EIF4EBP1: variants seen among roughly 807,000 people sequenced by gnomAD.
EIF4EBP1 encodes eukaryotic translation initiation factor 4E binding protein 1.
In EIF4EBP1, 5 loss-of-function variants were observed where a neutral mutation model predicts 9.2. The observed-to-expected ratio is 0.54, with a 90% CI of 0.28 to 1.14. The LOEUF is 1.14. EIF4EBP1 is among the 50% of genes most tolerant of loss of function. The probability of loss-of-function intolerance (pLI) is 0.09; values close to 1 mark genes in which losing one functional copy is unlikely to be tolerated. For synonymous variants in EIF4EBP1, 62 were observed against 67.0 expected (o/e 0.93, Z 0.36); for missense variants, 139 against 169.6 (o/e 0.82, Z 1.00).
intron 1 of EIF4EBP1, among the ~76,000 whole-genome samples, chr8:38,055,045 C>T (rs1809578132): frequency 6.6e-6 from 1 of 152,202 alleles, no homozygotes. Flanking sequence ...TTCAGTATCA[C>T]TGCCTCTCCT....
intron 1 of EIF4EBP1, among the ~76,000 whole-genome samples, chr8:38,044,451 T>C (rs759050254): frequency 6.6e-6 from 1 of 152,172 alleles, no homozygotes; most frequent in Non-Finnish European, 1.5e-5. Context: ...TTTATTTTAT[T>C]TTGTAGAGAC....
intron 1 of EIF4EBP1, among the ~76,000 whole-genome samples, chr8:38,050,207 C>A (rs111596164): frequency 3.7e-4 from 57 of 152,184 alleles, no homozygotes; most frequent in African/African-American, 8.9e-4. Flanking sequence ...CCACTGCACC[C>A]GGCCTCTTTT....
chr8:38,031,611 C>T (rs1250235285), intron 1 of EIF4EBP1, among the ~76,000 whole-genome samples: 1 of 152,224 alleles, frequency 6.6e-6, no homozygotes, highest in Non-Finnish European at 1.5e-5. Context: ...CTCCTCCACG[C>T]TGCTTTCCAT....
At chr8:38,038,610 C>G (rs920884129) in intron 1 of EIF4EBP1, among the ~76,000 whole-genome samples, 2 of 151,868 alleles carry the variant, frequency 1.3e-5, no homozygotes, top group Non-Finnish European at 2.9e-5. Context: ...TCAAGCAATC[C>G]TCCCACCTCA....
intron 2 of EIF4EBP1, among the ~76,000 whole-genome samples, chr8:38,058,396 C>G (rs188924442): frequency 6.6e-6 from 1 of 152,236 alleles, no homozygotes; most frequent in African/African-American, 2.4e-5. Flanking sequence ...ATAACTAGCC[C>G]ACTCCTGTGG....
chr8:38,033,417 C>A (rs991891612), intron 1 of EIF4EBP1, among the ~76,000 whole-genome samples: 1 of 151,710 alleles, frequency 6.6e-6, no homozygotes, highest in Non-Finnish European at 1.5e-5. Flanking sequence ...ACATACCACA[C>A]TCTGAGTACT....
chr8:38,043,801 G>A lies in EIF4EBP1; in HGVS notation c.145+13083G>A, dbSNP rs117308128. Reference sequence around the variant, plus strand: ...CTTGGTTCTCTTTGTGGAGGTCAGCGGTTGCGGGGCAGAGGTAAAGAAAAG... The same window carrying A: ...CTTGGTTCTCTTTGTGGAGGTCAGCAGTTGCGGGGCAGAGGTAAAGAAAAG... On this transcript the variant is annotated intron_variant, in intron 1 of 2. Transcript: ENST00000338825. Among the ~76,000 whole-genome samples, 505 of 152,220 alleles carry A rather than the reference G, an allele frequency of 3.3e-3. 12 individuals are homozygous for A. Among genetic ancestry groups the A allele is most frequent in the Admixed American group, 0.029 (446 of 15,268 alleles).
chr8:38,049,099 T>C (rs928020106), intron 1 of EIF4EBP1, among the ~76,000 whole-genome samples: 1 of 145,998 alleles, frequency 6.8e-6, no homozygotes, highest in Non-Finnish European at 1.5e-5. Flanking sequence ...CACTCCATCC[T>C]GGGCAACAAG....
chr8:38,052,643 A>C (rs995688715), intron 1 of EIF4EBP1, among the ~76,000 whole-genome samples: 5 of 151,968 alleles, frequency 3.3e-5, no homozygotes, highest in African/African-American at 9.7e-5. Flanking sequence ...GCTTGAACCC[A>C]GGAGGCAGAG....
chr8:38,051,888 C>T (rs749739816), intron 1 of EIF4EBP1, among the ~76,000 whole-genome samples: 10 of 152,138 alleles, frequency 6.6e-5, no homozygotes, highest in Non-Finnish European at 1.0e-4. Flanking sequence ...TGAGCCACTG[C>T]GCCCAGCCTG....
intron 1 of EIF4EBP1, among the ~76,000 whole-genome samples, chr8:38,043,733 C>T (rs1283621532): frequency 6.6e-6 from 1 of 152,172 alleles, no homozygotes; most frequent in Non-Finnish European, 1.5e-5. Flanking sequence ...ATCTGGTATC[C>T]AGCAGCTTCA....
intron 2 of EIF4EBP1, 21 bp from the exon 3 acceptor site, chr8:38,059,883 C>G (rs758353071): frequency 7.5e-6 from 11 of 1,458,812 alleles, no homozygotes; most frequent in African/African-American, 1.9e-5. Flanking sequence ...TGACCTGGCC[C>G]TCTGTCCCCT....
intron 1 of EIF4EBP1, among the ~76,000 whole-genome samples, chr8:38,033,062 C>CTTTTTTTTT (rs765781155): frequency 1.0e-4 from 13 of 125,452 alleles, no homozygotes; most frequent in Admixed American, 1.7e-4. Flanking sequence ...TTCTTTCTTT[C>CTTTTTTTTT]TTTTTTTTTT....
Position 38,035,850 on chromosome 8 carries a change from C to T in EIF4EBP1, c.145+5132C>T, listed in dbSNP as rs147427362. On this transcript the variant is annotated intron_variant, in intron 1 of 2. Transcript: ENST00000338825. ...TCAGCCTCCCGAATAGCTGGGTTTA[C>T]AGGCGCGCTACCACGCCTGGCTAAT... Among the ~76,000 whole-genome samples the T allele has an allele frequency of 4.4e-3, 661 of 151,664 alleles. 1 individual carries two copies. Among genetic ancestry groups the T allele is most frequent in the Non-Finnish European group, 7.0e-3 (478 of 67,956 alleles).
chr8:38,039,537 C>T (rs1055801865), intron 1 of EIF4EBP1, among the ~76,000 whole-genome samples: 2 of 149,104 alleles, frequency 1.3e-5, no homozygotes, highest in Non-Finnish European at 3.0e-5. Context: ...TCTTGAGTAG[C>T]TGGGATTATA....
chr8:38,045,567 T>C (rs1175443916), intron 1 of EIF4EBP1, among the ~76,000 whole-genome samples: 2 of 149,590 alleles, frequency 1.3e-5, no homozygotes, highest in South Asian at 2.1e-4. Flanking sequence ...TAGCTGGGCA[T>C]GGTGGTGCAT....
chr8:38,058,291 G>A (rs949824824), intron 2 of EIF4EBP1, among the ~76,000 whole-genome samples: 1 of 152,150 alleles, frequency 6.6e-6, no homozygotes, highest in Non-Finnish European at 1.5e-5. Context: ...CTTCTGGTGA[G>A]GGCCTCCTGC....
At chr8:38,037,980 C>T in intron 1 of EIF4EBP1, among the ~76,000 whole-genome samples, 1 of 151,180 alleles carries the variant, frequency 6.6e-6, no homozygotes, top group Admixed American at 6.6e-5. Context: ...TGTCATGTTG[C>T]CCAGGCTGGT....
chr8:38,053,980 C>T (rs182520925), intron 1 of EIF4EBP1, among the ~76,000 whole-genome samples: 3 of 152,274 alleles, frequency 2.0e-5, no homozygotes, highest in Non-Finnish European at 2.9e-5. Flanking sequence ...GATGGTAGCA[C>T]AACACCCTAC....
Sources: allele counts gnomAD v4.1 joint callset (sites outside exome capture counted in the v4.1 genomes callset), GRCh38; gene constraint gnomAD v4.1.1; transcripts MANE v1.5; gene names NCBI Gene and HGNC (gene_info 2026-07-23, HGNC 2026-07-21).